ARHGAP22: variants seen among roughly 807,000 people sequenced by gnomAD.
ARHGAP22 encodes Rho GTPase activating protein 22.
ARHGAP22 carries 48 observed loss-of-function variants against 59.1 expected under a neutral mutation model. That is an observed-to-expected ratio of 0.81 (90% CI 0.64 to 1.03). ARHGAP22 has a LOEUF of 1.03. Among genes scored for constraint, ARHGAP22 ranks in the 50% least tolerant of loss-of-function variants. The pLI, the probability that ARHGAP22 is intolerant of heterozygous loss-of-function variation, is 0.00. For missense variants in ARHGAP22, 1,015 were observed against 958.7 expected, an observed-to-expected ratio of 1.06 and a Z score of -0.78; for synonymous variants, 445 against 416.4, an observed-to-expected ratio of 1.07 and a Z score of -0.84.
intron 1 of ARHGAP22, among the ~76,000 whole-genome samples, chr10:48,651,788 C>G (rs1253048457): frequency 6.6e-6 from 1 of 152,124 alleles, no homozygotes; most frequent in Non-Finnish European, 1.5e-5. Context: ...TAATAGTTAC[C>G]TCCCAGACAC....
At chr10:48,618,103 G>A (rs1276806539) in intron 1 of ARHGAP22, among the ~76,000 whole-genome samples, 1 of 151,688 alleles carries the variant, frequency 6.6e-6, no homozygotes. Context: ...CAAACCTAAT[G>A]GAAATAAGTA....
chr10:48,483,568 C>CT (rs2049546843), intron 3 of ARHGAP22, among the ~76,000 whole-genome samples: 1 of 139,364 alleles, frequency 7.2e-6, no homozygotes, highest in African/African-American at 2.9e-5. Context: ...TCTCCAGTGT[C>CT]TATTTTTTTT....
rs183555726 is a variant in ARHGAP22, at chr10:48,644,856, A to C, written c.52+7378T>G. 9.7e-3 allele frequency among the ~76,000 whole-genome samples: 1,477 copies of C among 152,200 alleles called. 16 individuals carry two copies. Among genetic ancestry groups the C allele is most frequent in the South Asian group, 0.012 (60 of 4,824 alleles). On this transcript the variant is annotated intron_variant, in intron 1 of 9. Transcript: ENST00000435790. ...AATAAGCTAAGCTTTCATGTTAAGA[A>C]ACTAGAAAAATTAGAAACTAAATCT...
chr10:48,625,702 A>G (rs1214868249), intron 1 of ARHGAP22, among the ~76,000 whole-genome samples: 6 of 138,712 alleles, frequency 4.3e-5, no homozygotes, highest in African/African-American at 1.2e-4. Flanking sequence ...GTACACACAC[A>G]CACACACACA....
At chr10:48,451,506 G>T in intron 8 of ARHGAP22, 2 of 702,448 alleles carry the variant, frequency 2.8e-6, no homozygotes, top group Non-Finnish European at 5.2e-6. Flanking sequence ...GAACTCTCTC[G>T]GCTGCCCCAC....
At chr10:48,637,580 A>G (rs1445773158) in intron 1 of ARHGAP22, among the ~76,000 whole-genome samples, 1 of 151,770 alleles carries the variant, frequency 6.6e-6, no homozygotes, top group African/African-American at 2.4e-5. Context: ...GGATGGGTAG[A>G]TGGATGGATA....
At chr10:48,634,533 G>T (rs1017498096) in intron 1 of ARHGAP22, among the ~76,000 whole-genome samples, 9 of 152,172 alleles carry the variant, frequency 5.9e-5, no homozygotes, top group African/African-American at 2.2e-4. Flanking sequence ...CCCTTATTTG[G>T]TTCTGTGGCT....
downstream of ARHGAP22, chr10:48,444,604 T>TTCA (rs2045281326): frequency 6.6e-6 from 1 of 152,180 alleles, no homozygotes; most frequent in Non-Finnish European, 1.5e-5. Flanking sequence ...CAAGCTTCCT[T>TTCA]TCATCATGGG....
At position 48,483,879 on chromosome 10, in the gene ARHGAP22, A is replaced by G. The variant is rs1310120976; in HGVS notation, c.323-4115T>C. On this transcript the variant is annotated intron_variant, in intron 3 of 9. Transcript: ENST00000249601. ...TGCTGTGCAGAAGATTTTTTAGTTT[A>G]ATATAGTCCCACTTAGCTATTTTTG... is the stretch of plus-strand genomic sequence containing the variant. 2.0e-5 allele frequency among the ~76,000 whole-genome samples: 3 copies of G among 152,170 alleles called. No individual in the cohort carries two copies. The East Asian group carries it at 5.8e-4, about 29-fold the overall frequency.
At chr10:48,636,865 A>G (rs1462253385) in intron 1 of ARHGAP22, among the ~76,000 whole-genome samples, 2 of 152,260 alleles carry the variant, frequency 1.3e-5, no homozygotes, top group Non-Finnish European at 2.9e-5. Context: ...TTCAGGAAGC[A>G]GAGCCACTCA....
intron 3 of ARHGAP22, among the ~76,000 whole-genome samples, chr10:48,488,643 C>T (rs1380350190): frequency 6.6e-6 from 1 of 152,188 alleles, no homozygotes; most frequent in Non-Finnish European, 1.5e-5. Context: ...TATATTCTGT[C>T]CTACGCCCTA....
Position 48,493,706 on chromosome 10 carries a change from GC to G in ARHGAP22, c.323-13943del. On this transcript the variant is annotated intron_variant, in intron 3 of 9. Coordinates refer to ENST00000249601, the MANE Select transcript of ARHGAP22 (RefSeq NM_021226.4). The stretch of plus-strand genomic sequence containing the variant: ...TGCCCGAAGGCTGGGACTGTCTGGG[GC>G]GGGGCAAGAAGGACTTGCTGGGATC... The G allele has an allele frequency of 4.5e-6, 6 of 1,343,710 alleles. No homozygotes were observed. The South Asian group carries it at 1.2e-4, about 26-fold the overall frequency. 83.2% of individuals were successfully genotyped at this position (1,343,710 alleles called of 1,614,324 possible). A position where few individuals can be genotyped will look rare whatever the true frequency, so the allele number is the denominator to read the frequency against.
At position 48,493,605 on chromosome 10, in the gene ARHGAP22, G is replaced by A. The variant is rs552626309; in HGVS notation, c.323-13841C>T. The A allele has an allele frequency of 3.1e-5, 45 of 1,472,674 alleles. 1 individual carries two copies. The highest frequency in any genetic ancestry group is 4.8e-4 in the Middle Eastern group (2 of 4,160). The allele number at this position is 1,472,674 out of a possible 1,614,324, so 91.2% of individuals were successfully genotyped here. ...CTCCACTGCAGGGCTGCGGCCACTCGGCTGCCTGTGTGCTCTGCCTGTGGG... is the reference window on the plus strand; with the variant it reads ...CTCCACTGCAGGGCTGCGGCCACTCAGCTGCCTGTGTGCTCTGCCTGTGGG... On this transcript the variant is annotated intron_variant, in intron 3 of 9. Coordinates refer to ENST00000249601, the MANE Select transcript of ARHGAP22 (RefSeq NM_021226.4).
intron 3 of ARHGAP22, among the ~76,000 whole-genome samples, chr10:48,486,131 T>C (rs77218259): frequency 0.017 from 2,537 of 152,142 alleles, 70 homozygotes; most frequent in African/African-American, 0.057. Context: ...AGGAATTGCT[T>C]TAGGGTTTAT....
intron 1 of ARHGAP22, among the ~76,000 whole-genome samples, chr10:48,614,688 C>A (rs1416992894): frequency 6.6e-6 from 1 of 152,210 alleles, no homozygotes; most frequent in African/African-American, 2.4e-5. Flanking sequence ...GAAAACCCAG[C>A]TGAGTCTCAG....
upstream of ARHGAP22, among the ~76,000 whole-genome samples, chr10:48,605,765 A>G (rs1366623966): frequency 2.0e-5 from 3 of 152,174 alleles, no homozygotes; most frequent in African/African-American, 7.2e-5. Context: ...CTTTACATTC[A>G]ATATCTCATT....
chr10:48,581,849 C>T (rs1020673581), intron 2 of ARHGAP22, among the ~76,000 whole-genome samples: 29 of 152,154 alleles, frequency 1.9e-4, no homozygotes, highest in Admixed American at 5.9e-4. Flanking sequence ...ATGGACAGAA[C>T]GAAGACAGAA....
chr10:48,432,334 A>G, the ARHGAP22 span, among the ~76,000 whole-genome samples: 1 of 152,114 alleles, frequency 6.6e-6, no homozygotes, highest in South Asian at 2.1e-4. Flanking sequence ...TGTTTAAGCC[A>G]TTTTTTGTGG....
intron 4 of ARHGAP22, among the ~76,000 whole-genome samples, chr10:48,477,167 T>C (rs1385207070): frequency 6.6e-6 from 1 of 152,214 alleles, no homozygotes; most frequent in African/African-American, 2.4e-5. Flanking sequence ...CTGACTTTCA[T>C]AGCATTCATT....
Sources: gnomAD v4.1 joint callset for allele counts (sites outside exome capture counted in the v4.1 genomes callset) on GRCh38, gnomAD v4.1.1 for gene constraint, MANE v1.5 for transcripts, NCBI Gene and HGNC (gene_info 2026-07-23, HGNC 2026-07-21) for gene names.